ZC3H13: variants seen among roughly 807,000 people sequenced by gnomAD.
ZC3H13 encodes zinc finger CCCH domain-containing protein 13.
ZC3H13 carries 64 observed loss-of-function variants against 204.1 expected under a neutral mutation model. That is an observed-to-expected ratio of 0.31 (90% CI 0.26 to 0.39). The LOEUF is 0.39. ZC3H13 is among the 10% of genes least tolerant of loss of function. ZC3H13 has a pLI of 1.00. For missense variants in ZC3H13, 1,833 were observed against 2,082.7 expected (o/e 0.88, Z 2.33); for synonymous variants, 667 against 693.7 (o/e 0.96, Z 0.60).
rs192666581 is a variant in ZC3H13, at chr13:45,964,086, A to G, written c.4475-44T>C. 2.4e-4 allele frequency: 375 copies of G among 1,551,766 alleles called. 1 individual carries two copies. The African/African-American group carries it at 4.9e-3, about 20-fold the overall frequency. Reference sequence around the variant, plus strand: ...TAAGATTTGTTTTACACCAAGAAATAGCAGTCTTGTTATCTACATAGACAT... The same window carrying G: ...TAAGATTTGTTTTACACCAAGAAATGGCAGTCTTGTTATCTACATAGACAT... On this transcript the variant is annotated intron_variant, in intron 16 of 18. Coordinates refer to ENST00000679008, the MANE Select transcript of ZC3H13 (RefSeq NM_001330564.2).
intron 8 of ZC3H13, among the ~76,000 whole-genome samples, chr13:45,995,520 GTT>G (rs1267582005): frequency 6.6e-6 from 1 of 152,132 alleles, no homozygotes; most frequent in Non-Finnish European, 1.5e-5. Context: ...ATATAATCAT[GTT>G]TGGCTATATT....
chr13:46,052,268 T>C (rs1301462888), intron 1 of ZC3H13, 136 bp downstream of exon 1: 3 of 344,816 alleles, frequency 8.7e-6, no homozygotes, highest in Non-Finnish European at 1.5e-5. Flanking sequence ...ATTGCAGAGT[T>C]AAGGGTGGGA....
At chr13:46,012,476 A>G (rs374292020) in intron 5 of ZC3H13, among the ~76,000 whole-genome samples, 2 of 152,324 alleles carry the variant, frequency 1.3e-5, no homozygotes, top group South Asian at 4.1e-4. Flanking sequence ...TAAAAAAACA[A>G]CAAACATAAG....
Position 45,959,615 on chromosome 13 carries a change from C to T in ZC3H13, c.4707G>A (p.Gly1569=). 6.5e-7 allele frequency: 1 copy of T among 1,537,820 alleles called. No individual in the cohort carries two copies. Among genetic ancestry groups the T allele is most frequent in the Non-Finnish European group, 8.8e-7 (1 of 1,141,820 alleles). ...GTAGTAATGCAGCCATATTGAGAGC[C>T]CCCAATTCATGTTCAAAGAGATTGT... The part of the protein sequence containing the change: ...DADNLFEHEL[G]ALNMAALLRK... The change falls in exon 18 of 19, where the codon GGG becomes GGA. Residue 1569 remains glycine (G), a synonymous_variant. Coordinates refer to ENST00000679008, the MANE Select transcript of ZC3H13 (RefSeq NM_001330564.2).
intron 17 of ZC3H13, among the ~76,000 whole-genome samples, chr13:45,961,242 GATATA>G (rs1951664371): frequency 6.6e-6 from 1 of 152,030 alleles, no homozygotes; most frequent in African/African-American, 2.4e-5. Flanking sequence ...TTCCACTACA[GATATA>G]ATATAAAAGA....
intron 9 of ZC3H13, among the ~76,000 whole-genome samples, chr13:45,987,677 A>T (rs1240397369): frequency 6.6e-6 from 1 of 152,222 alleles, no homozygotes; most frequent in Non-Finnish European, 1.5e-5. Context: ...AGAATACTAA[A>T]TTCAACATGT....
At chr13:45,989,151 C>A in intron 8 of ZC3H13, 54 bp from the exon 9 acceptor site, 2 of 1,511,778 alleles carry the variant, frequency 1.3e-6, no homozygotes, top group South Asian at 1.3e-5. Flanking sequence ...TCATTTCTAG[C>A]CAAAGGAAAA....
At chr13:46,004,723 G>A (rs1162584466) in intron 7 of ZC3H13, among the ~76,000 whole-genome samples, 1 of 152,016 alleles carries the variant, frequency 6.6e-6, no homozygotes, top group African/African-American at 2.4e-5. Flanking sequence ...ATCAACCACT[G>A]TCAGTATATA....
At chr13:45,967,379 A>G (rs1218831436) in intron 15 of ZC3H13, 125 bp downstream of exon 15, 2 of 1,091,872 alleles carry the variant, frequency 1.8e-6, no homozygotes. Context: ...TACTTCCTCT[A>G]TAGAAGAATG....
chr13:45,967,215 G>A (rs1952165162), intron 15 of ZC3H13, among the ~76,000 whole-genome samples: 1 of 151,990 alleles, frequency 6.6e-6, no homozygotes. Flanking sequence ...AGGATGTGAT[G>A]GTTATTCTTC....
At chr13:46,011,758 C>G (rs940777329) in intron 5 of ZC3H13, among the ~76,000 whole-genome samples, 1 of 151,994 alleles carries the variant, frequency 6.6e-6, no homozygotes, top group Non-Finnish European at 1.5e-5. Flanking sequence ...CATGAAAAGC[C>G]AAATATTTTG....
chr13:46,051,956 C>T (rs1246961580), intron 1 of ZC3H13: 3 of 138,368 alleles, frequency 2.2e-5, no homozygotes. Context: ...GATAAAGTAG[C>T]ACTCAATTCC....
intron 4 of ZC3H13, among the ~76,000 whole-genome samples, chr13:46,021,564 G>T (rs1156523426): frequency 1.3e-5 from 2 of 151,828 alleles, no homozygotes; most frequent in Admixed American, 1.3e-4. Flanking sequence ...TCTTCTTAAA[G>T]AACTCTAGTA....
intron 4 of ZC3H13, among the ~76,000 whole-genome samples, chr13:46,041,458 C>T (rs535824499): frequency 6.6e-6 from 1 of 152,134 alleles, no homozygotes; most frequent in East Asian, 1.9e-4. Flanking sequence ...CGTTTCTTTA[C>T]GTAGCAATGA....
intron 8 of ZC3H13, among the ~76,000 whole-genome samples, chr13:45,996,684 C>A (rs1478444783): frequency 2.0e-5 from 3 of 151,260 alleles, no homozygotes; most frequent in Admixed American, 1.3e-4. Flanking sequence ...TTCGAGTAAC[C>A]CTTATTTTAC....
Position 45,975,668 on chromosome 13 carries a change from G to A in ZC3H13, c.2083C>T (p.Arg695Cys), listed in dbSNP as rs772674179. 7.5e-6 allele frequency: 12 copies of A among 1,608,256 alleles called. No homozygotes were observed. Among genetic ancestry groups the A allele is most frequent in the Admixed American group, 3.4e-5 (2 of 59,044 alleles). Residue 695 changes from arginine (R) to cysteine (C), a missense_variant, in exon 12 of 19, where the codon CGT (arginine) becomes TGT (cysteine). Transcript: ENST00000679008. ...TTTTCTCTTTCCCGATCCCGTTCAC[G>A]TTCCCTCTCTCTCTCCCGCTCCCTG... is the stretch of plus-strand genomic sequence containing the variant. ...RDRERERERE[R>C]ERDREREKER... is the part of the protein sequence containing the mutation.
intron 5 of ZC3H13, among the ~76,000 whole-genome samples, chr13:46,019,841 T>G (rs2042120177): frequency 6.6e-6 from 1 of 152,096 alleles, no homozygotes; most frequent in South Asian, 2.1e-4. Flanking sequence ...AGCCTTAGCC[T>G]CCCAAAGTGC....
intron 12 of ZC3H13, among the ~76,000 whole-genome samples, chr13:45,971,150 T>G (rs1196658472): frequency 6.6e-6 from 1 of 152,202 alleles, no homozygotes; most frequent in Non-Finnish European, 1.5e-5. Flanking sequence ...ATAAAATAAT[T>G]CATACGTTCA....
At chr13:45,962,749 A>G in intron 17 of ZC3H13, 12 of 985,368 alleles carry the variant, frequency 1.2e-5, no homozygotes, top group Non-Finnish European at 1.4e-5. Flanking sequence ...AATACTAACT[A>G]AACTTTTATG....
Sources: allele counts gnomAD v4.1 joint callset (sites outside exome capture counted in the v4.1 genomes callset), GRCh38; gene constraint gnomAD v4.1.1; transcripts MANE v1.5; gene names NCBI Gene and HGNC (gene_info 2026-07-23, HGNC 2026-07-21).